The following CNTN6 variants were observed in gnomAD, a reference collection of about 807,000 sequenced individuals.
The protein encoded by CNTN6 is contactin-6.
Under a neutral mutation model 122.8 loss-of-function variants are expected in CNTN6, and 137 were observed. The ratio of observed to expected loss-of-function variants is 1.12; its 90% CI spans 0.97 to 1.29. The LOEUF (loss-of-function observed/expected upper bound fraction) is 1.29, where lower values mean the gene tolerates loss of function less well. Among genes scored for constraint, CNTN6 ranks in the 50% most tolerant of loss-of-function variants. The probability of loss-of-function intolerance (pLI) is 0.00; values close to 1 mark genes in which losing one functional copy is unlikely to be tolerated. For synonymous variants in CNTN6, 570 were observed against 426.0 expected (o/e 1.34, Z -4.16); for missense variants, 1,634 against 1,223.4 (o/e 1.34, Z -5.01).
At position 1,388,220 on chromosome 3, in the gene CNTN6, C is replaced by T. The variant is rs538442042; in HGVS notation, c.2704+2423C>T. On this transcript the variant is annotated intron_variant, in intron 20 of 22. Transcript: ENST00000446702. ...CAGCATGCAGCTGGAGATCTGAGAA[C>T]TGGCACACTGCCTCCTCAAGTGGGT... 1.5e-4 allele frequency among the ~76,000 whole-genome samples: 22 copies of T among 149,722 alleles called. 1 individual carries two copies. The South Asian group carries it at 2.6e-3, about 17-fold the overall frequency.
At chr3:1,373,821 A>G in intron 15 of CNTN6, 59 bp downstream of exon 15, 2 of 1,489,500 alleles carry the variant, frequency 1.3e-6, no homozygotes, top group Non-Finnish European at 1.8e-6. Flanking sequence ...CAATAATTTT[A>G]ATAAATGCAA....
At chr3:1,159,835 C>A (rs549020493) in intron 2 of CNTN6, among the ~76,000 whole-genome samples, 7 of 151,584 alleles carry the variant, frequency 4.6e-5, no homozygotes, top group East Asian at 1.9e-4. Context: ...TTTTTCCCCC[C>A]CTCAAGACAA....
At chr3:1,240,486 C>T (rs908270054) in intron 4 of CNTN6, among the ~76,000 whole-genome samples, 1 of 152,142 alleles carries the variant, frequency 6.6e-6, no homozygotes, top group Non-Finnish European at 1.5e-5. Context: ...CGACCTCCCT[C>T]CTGCAAGAAT....
chr3:1,365,446 T>G (rs998658039), intron 12 of CNTN6, among the ~76,000 whole-genome samples: 2 of 152,036 alleles, frequency 1.3e-5, no homozygotes, highest in Non-Finnish European at 2.9e-5. Context: ...TAAAAACACA[T>G]ATATTTTATA....
intron 5 of CNTN6, among the ~76,000 whole-genome samples, chr3:1,289,372 C>G (rs1456967224): frequency 2.6e-5 from 4 of 152,148 alleles, no homozygotes; most frequent in African/African-American, 9.7e-5. Context: ...TACATCTTCA[C>G]CAATTCAGAG....
chr3:1,103,958 G>A (rs552485739), intron 1 of CNTN6, among the ~76,000 whole-genome samples: 1 of 151,710 alleles, frequency 6.6e-6, no homozygotes, highest in Non-Finnish European at 1.5e-5. Context: ...ATAATTTAAC[G>A]TACTAAATTA....
intron 2 of CNTN6, among the ~76,000 whole-genome samples, chr3:1,158,885 TACACAC>T (rs529969086): frequency 1.6e-5 from 2 of 128,114 alleles, no homozygotes; most frequent in African/African-American, 3.5e-5. Flanking sequence ...TACACATATA[TACACAC>T]ATATATATAC....
intron 4 of CNTN6, among the ~76,000 whole-genome samples, chr3:1,271,330 TGAAA>T (rs1319465129): frequency 6.6e-6 from 1 of 152,154 alleles, no homozygotes; most frequent in Non-Finnish European, 1.5e-5. Flanking sequence ...CTCCTGCTCC[TGAAA>T]GAGAGGATTG....
chr3:1,157,742 G>A (rs1418212474), intron 2 of CNTN6, among the ~76,000 whole-genome samples: 1 of 151,796 alleles, frequency 6.6e-6, no homozygotes, highest in Non-Finnish European at 1.5e-5. Flanking sequence ...ATAAGTAAGT[G>A]AGAACATGTG....
At chr3:1,276,695 C>CG (rs1423182247) in intron 4 of CNTN6, among the ~76,000 whole-genome samples, 5 of 152,180 alleles carry the variant, frequency 3.3e-5, no homozygotes, top group Admixed American at 1.3e-4. Flanking sequence ...TCTTTCTCAT[C>CG]TGTCAGATCA....
intron 7 of CNTN6, among the ~76,000 whole-genome samples, chr3:1,302,789 G>A (rs559489040): frequency 4.6e-5 from 7 of 151,962 alleles, no homozygotes; most frequent in Admixed American, 4.6e-4. Flanking sequence ...CTGAGTCTAT[G>A]GTTTGGTGTT....
At chr3:1,181,374 T>C (rs1389535047) in intron 2 of CNTN6, among the ~76,000 whole-genome samples, 1 of 152,180 alleles carries the variant, frequency 6.6e-6, no homozygotes, top group African/African-American at 2.4e-5. Flanking sequence ...TTCTCAGATA[T>C]TGTGATTATG....
In CNTN6 at chr3:1,170,167, G is replaced by T. The variant is rs575136524; in HGVS notation, c.55+22104G>T. 4.9e-5 allele frequency among the ~76,000 whole-genome samples: 7 copies of T among 141,834 alleles called. No homozygotes were observed. In the South Asian group the frequency reaches 1.6e-3, roughly 32 times the overall value. The allele number at this position is 141,834 out of a possible 152,430, so 93.0% of individuals were successfully genotyped here. On this transcript the variant is annotated intron_variant, in intron 2 of 22. Transcript: ENST00000446702. ...CAAGAGAATTGCTTGAACCCGTGAG[G>T]CAGAGGTTGCAGTGAGCTGAGATCA...
At chr3:1,232,075 A>AATGAGAT (rs1389029846) in intron 4 of CNTN6, among the ~76,000 whole-genome samples, 1 of 152,220 alleles carries the variant, frequency 6.6e-6, no homozygotes, top group African/African-American at 2.4e-5. Flanking sequence ...TCCTTGAGAA[A>AATGAGAT]ATGAGATAGG....
chr3:1,364,250 G>A (rs750537318), intron 12 of CNTN6, among the ~76,000 whole-genome samples: 1 of 151,850 alleles, frequency 6.6e-6, no homozygotes, highest in Non-Finnish European at 1.5e-5. Flanking sequence ...ACTAGCAAGA[G>A]AAAATATGAG....
At chr3:1,300,450 A>AGGAC (rs1242989748) in intron 7 of CNTN6, among the ~76,000 whole-genome samples, 1 of 7,098 alleles carries the variant, frequency 1.4e-4, no homozygotes. Flanking sequence ...GGGTCAGTTC[A>AGGAC]GGAAGGAAGG....
At chr3:1,120,544 G>T (rs1321077979) in intron 1 of CNTN6, among the ~76,000 whole-genome samples, 1 of 151,484 alleles carries the variant, frequency 6.6e-6, no homozygotes, top group African/African-American at 2.4e-5. Flanking sequence ...TAATATTATT[G>T]TTTTATATAT....
At chr3:1,285,342 C>G (rs75632018) in intron 5 of CNTN6, among the ~76,000 whole-genome samples, 2,775 of 152,122 alleles carry the variant, frequency 0.018, 90 homozygotes, top group African/African-American at 0.062. Context: ...GAAGGGATAG[C>G]AGGTTTAAGG....
intron 2 of CNTN6, among the ~76,000 whole-genome samples, chr3:1,208,806 C>T (rs867797217): frequency 6.6e-6 from 1 of 152,016 alleles, no homozygotes; most frequent in Admixed American, 6.6e-5. Flanking sequence ...ATTCATATTA[C>T]AAGTTTAACT....
Sources: gnomAD v4.1 joint callset for allele counts (sites outside exome capture counted in the v4.1 genomes callset) on GRCh38, gnomAD v4.1.1 for gene constraint, MANE v1.5 for transcripts, NCBI Gene and HGNC (gene_info 2026-07-23, HGNC 2026-07-21) for gene names.